The following SH2D4A variants were observed in gnomAD, a reference collection of about 807,000 sequenced individuals.
SH2D4A encodes SH2 domain-containing protein 4A.
In SH2D4A, 70 loss-of-function variants were observed where a neutral mutation model predicts 64.7. The ratio of observed to expected loss-of-function variants is 1.08; its 90% CI spans 0.89 to 1.32. The LOEUF is 1.32. Among genes scored for constraint, SH2D4A ranks in the 40% most tolerant of loss-of-function variants. SH2D4A has a pLI of 0.00. For synonymous variants in SH2D4A, 268 were observed against 200.7 expected, an observed-to-expected ratio of 1.34 and a Z score of -2.83; for missense variants, 706 against 540.1, an observed-to-expected ratio of 1.31 and a Z score of -3.04.
chr8:19,383,390 T>A (rs1269651936), intron 8 of SH2D4A, among the ~76,000 whole-genome samples: 1 of 151,284 alleles, frequency 6.6e-6, no homozygotes, highest in Non-Finnish European at 1.5e-5. Flanking sequence ...GGATTTGTTC[T>A]TGGTTTTTTT....
intron 8 of SH2D4A, 100 bp downstream of exon 8, chr8:19,373,760 T>G: frequency 7.0e-7 from 1 of 1,430,820 alleles, no homozygotes. Context: ...TTATTGGTGC[T>G]GCCCAAAAAG....
intron 2 of SH2D4A, among the ~76,000 whole-genome samples, chr8:19,330,823 A>G (rs1169234417): frequency 6.6e-6 from 1 of 151,858 alleles, no homozygotes; most frequent in Admixed American, 6.5e-5. Context: ...GCTGACATAA[A>G]AAAAATATTA....
Position 19,362,075 on chromosome 8 carries a change from T to A in SH2D4A, c.706+761T>A, listed in dbSNP as rs901966540. 5.9e-5 allele frequency among the ~76,000 whole-genome samples: 9 copies of A among 152,370 alleles called. No individual in the cohort carries two copies. In the South Asian group the frequency reaches 6.2e-4, roughly 11 times the overall value. On this transcript the variant is annotated intron_variant, in intron 6 of 9. Coordinates refer to ENST00000265807, the MANE Select transcript of SH2D4A (RefSeq NM_022071.4). ...CCATCTGACTCAGAGAAATCTGAAC[T>A]GCTAGATCAACCTGAGGTGGCTTGA...
chr8:19,320,996 T>G (rs1374758980), intron 2 of SH2D4A, among the ~76,000 whole-genome samples: 2 of 152,338 alleles, frequency 1.3e-5, no homozygotes, highest in East Asian at 3.9e-4. Context: ...TTAAAACTTT[T>G]TTCCAGTGAT....
chr8:19,327,075 T>C (rs2052292620), intron 2 of SH2D4A, among the ~76,000 whole-genome samples: 1 of 152,190 alleles, frequency 6.6e-6, no homozygotes, highest in Non-Finnish European at 1.5e-5. Context: ...TAGGGGGAAA[T>C]GTCTCTCAGA....
At chr8:19,349,579 G>A (rs751787098) in intron 4 of SH2D4A, among the ~76,000 whole-genome samples, 12 of 152,114 alleles carry the variant, frequency 7.9e-5, no homozygotes, top group East Asian at 1.9e-4. Context: ...CGGGAGATTT[G>A]TTGACCACTT....
rs1262972332 is a variant in SH2D4A, at chr8:19,313,711, T to A, written c.-317T>A. 1 of 1,485,976 alleles carries A rather than the reference T, an allele frequency of 6.7e-7. No individual in the cohort carries two copies. The highest frequency in any genetic ancestry group is 1.5e-5 in the African/African-American group (1 of 68,828). 92.0% of individuals were successfully genotyped at this position (1,485,976 alleles called of 1,614,324 possible). ...GGCCGGAGTATTTGCTCAGCCCGCC[T>A]GCGCCGCTTGGGACGCCTCTGCCTT... On this transcript the variant is annotated 5_prime_UTR_variant, in exon 1 of 10. Coordinates refer to ENST00000265807, the MANE Select transcript of SH2D4A (RefSeq NM_022071.4).
Position 19,373,455 on chromosome 8 carries a change from T to TATATATATATATATACACACACCC in SH2D4A, c.918-65_918-64insATATACACACACCCATATATATAT, listed in dbSNP as rs1554485279. The TATATATATATATATACACACACCC allele has an allele frequency of 2.8e-3, 2,710 of 962,224 alleles. 75 individuals carry two copies. In the African/African-American group the frequency reaches 0.045, roughly 16 times the overall value. 59.6% of individuals were successfully genotyped at this position (962,224 alleles called of 1,614,324 possible). On this transcript the variant is annotated intron_variant, in intron 7 of 9. Coordinates refer to ENST00000265807, the MANE Select transcript of SH2D4A (RefSeq NM_022071.4). ...ATGTATGTGTGTGTGTATATATATA[T>TATATATATATATATACACACACCC]ATATATATATGACTTTTGAGGGCAT...
At chr8:19,318,159 C>T (rs2052122635) in intron 1 of SH2D4A, among the ~76,000 whole-genome samples, 2 of 152,202 alleles carry the variant, frequency 1.3e-5, no homozygotes, top group Admixed American at 1.3e-4. Context: ...CCTCTTTGGC[C>T]TCCCAAAGTG....
At chr8:19,343,547 T>A (rs1469939118) in intron 4 of SH2D4A, among the ~76,000 whole-genome samples, 2 of 152,332 alleles carry the variant, frequency 1.3e-5, no homozygotes, top group East Asian at 3.9e-4. Flanking sequence ...ATTTGGAAAT[T>A]CTTTGAAAAC....
At chr8:19,334,099 C>T (rs2052403528) in intron 3 of SH2D4A, among the ~76,000 whole-genome samples, 1 of 152,088 alleles carries the variant, frequency 6.6e-6, no homozygotes, top group Non-Finnish European at 1.5e-5. Flanking sequence ...ACCTGGGGTG[C>T]TCTGGGTGTC....
chr8:19,350,086 C>G (rs1233262409), intron 4 of SH2D4A, among the ~76,000 whole-genome samples: 1 of 152,154 alleles, frequency 6.6e-6, no homozygotes, highest in Non-Finnish European at 1.5e-5. Context: ...TTTTTTTAAT[C>G]ATGTTTTTAA....
chr8:19,385,217 T>G (rs1202935413), intron 8 of SH2D4A, among the ~76,000 whole-genome samples: 3 of 151,734 alleles, frequency 2.0e-5, no homozygotes, highest in Non-Finnish European at 2.9e-5. Context: ...TTTTTTGTTT[T>G]TTTTTTTTTT....
chr8:19,325,571 T>C (rs1400513623), intron 2 of SH2D4A, among the ~76,000 whole-genome samples: 1 of 152,126 alleles, frequency 6.6e-6, no homozygotes, highest in African/African-American at 2.4e-5. Flanking sequence ...CTTTTTTGGG[T>C]AACACTGTCA....
At chr8:19,340,584 CTTTT>C in intron 4 of SH2D4A, among the ~76,000 whole-genome samples, 1 of 135,160 alleles carries the variant, frequency 7.4e-6, no homozygotes, top group Non-Finnish European at 1.6e-5. Flanking sequence ...TGATTTTGTT[CTTTT>C]CTTTCTTTCT....
chr8:19,360,281 A>G (rs923919307), intron 5 of SH2D4A, among the ~76,000 whole-genome samples: 1 of 151,828 alleles, frequency 6.6e-6, no homozygotes. Context: ...GATGCTTTTG[A>G]AAAATATTTT....
In SH2D4A at chr8:19,345,098, G is replaced by T. The variant is rs146116161; in HGVS notation, c.513+10241G>T. On this transcript the variant is annotated intron_variant, in intron 4 of 9. Transcript: ENST00000265807. ...CTTTTGTTTTCTTAATCTATAAAAT[G>T]AGAGACTTTTAAATTGTTTAGTGAT... Among the ~76,000 whole-genome samples the T allele has an allele frequency of 4.2e-3, 636 of 152,320 alleles. 2 individuals carry two copies. Among genetic ancestry groups the T allele is most frequent in the African/African-American group, 0.015 (616 of 41,562 alleles).
chr8:19,324,852 C>T (rs556346370), intron 2 of SH2D4A, among the ~76,000 whole-genome samples: 1 of 152,238 alleles, frequency 6.6e-6, no homozygotes, highest in South Asian at 2.1e-4. Context: ...CATAGACTCT[C>T]AGGGGTTCGC....
At chr8:19,389,558 C>T (rs1443025242) in intron 8 of SH2D4A, among the ~76,000 whole-genome samples, 1 of 152,170 alleles carries the variant, frequency 6.6e-6, no homozygotes, top group Non-Finnish European at 1.5e-5. Context: ...GCCCCAGGCT[C>T]TTCAGGGCCA....
Sources: gnomAD v4.1 joint callset for allele counts (sites outside exome capture counted in the v4.1 genomes callset) on GRCh38, gnomAD v4.1.1 for gene constraint, MANE v1.5 for transcripts, NCBI Gene and HGNC (gene_info 2026-07-23, HGNC 2026-07-21) for gene names.